Variants in EPC2 observed in about 807,000 individuals in gnomAD.
EPC2 encodes enhancer of polycomb homolog 2.
EPC2 carries 14 observed loss-of-function variants against 92.1 expected under a neutral mutation model. That is an observed-to-expected ratio of 0.15 (90% CI 0.10 to 0.24). The LOEUF (loss-of-function observed/expected upper bound fraction) is 0.24, where lower values mean the gene tolerates loss of function less well. Among genes scored for constraint, EPC2 ranks in the 10% least tolerant of loss-of-function variants. EPC2 has a pLI of 1.00. For synonymous variants in EPC2, 340 were observed against 334.7 expected (o/e 1.02, Z -0.17); for missense variants, 755 against 971.5 (o/e 0.78, Z 2.96).
intron 2 of EPC2, among the ~76,000 whole-genome samples, chr2:148,710,857 G>T (rs896248058): frequency 6.6e-6 from 1 of 152,054 alleles, no homozygotes. Context: ...GGGTTGGGGG[G>T]AGTGGGGAGG....
intron 1 of EPC2, among the ~76,000 whole-genome samples, chr2:148,662,111 A>G (rs1337138856): frequency 6.6e-6 from 1 of 152,252 alleles, no homozygotes; most frequent in Non-Finnish European, 1.5e-5. Flanking sequence ...TCAAAACTAC[A>G]GTGAGATACC....
chr2:148,701,980 T>C (rs959118363), intron 2 of EPC2, among the ~76,000 whole-genome samples: 1 of 152,156 alleles, frequency 6.6e-6, no homozygotes, highest in South Asian at 2.1e-4. Flanking sequence ...AAGTTGTCAA[T>C]TTATGGCCAT....
At chr2:148,745,137 G>A (rs887624459) in intron 3 of EPC2, among the ~76,000 whole-genome samples, 7 of 151,986 alleles carry the variant, frequency 4.6e-5, no homozygotes, top group African/African-American at 1.7e-4. Flanking sequence ...TTCTAAAAAA[G>A]TACCAACTTG....
At chr2:148,741,783 C>T (rs1682884168) in intron 2 of EPC2, among the ~76,000 whole-genome samples, 1 of 152,130 alleles carries the variant, frequency 6.6e-6, no homozygotes. Flanking sequence ...TATACATGTA[C>T]ATGCTTAAAA....
chr2:148,685,745 C>T (rs944542558), intron 1 of EPC2, among the ~76,000 whole-genome samples: 1 of 151,982 alleles, frequency 6.6e-6, no homozygotes, highest in African/African-American at 2.4e-5. Flanking sequence ...CTAGCCTGGG[C>T]GACAGAGTGA....
chr2:148,666,466 T>G (rs933097190), intron 1 of EPC2, among the ~76,000 whole-genome samples: 1 of 152,230 alleles, frequency 6.6e-6, no homozygotes, highest in African/African-American at 2.4e-5. Context: ...TAAAAAAAAT[T>G]TTTAATTTAT....
chr2:148,675,772 C>T (rs192223954), intron 1 of EPC2, among the ~76,000 whole-genome samples: 2 of 152,234 alleles, frequency 1.3e-5, no homozygotes, highest in Admixed American at 6.5e-5. Flanking sequence ...TGGTTTTATA[C>T]GTTTTTTAGT....
At chr2:148,697,898 A>G (rs1218608863) in intron 2 of EPC2, among the ~76,000 whole-genome samples, 1 of 152,228 alleles carries the variant, frequency 6.6e-6, no homozygotes, top group Non-Finnish European at 1.5e-5. Flanking sequence ...AGAGGCCCAA[A>G]TTGGGAAAGG....
In EPC2 at chr2:148,733,479, ATTTTTTTTTTTTTTTTTTTTTT is replaced by A. The variant is rs34219179; in HGVS notation, c.314-10128_314-10107del. ...CTTTCTCTTTTCTTTCTCTCTCTGG[ATTTTTTTTTTTTTTTTTTTTTT>A]TTTTTTTTTTTTTTGATACAGGGTC... On this transcript the variant is annotated intron_variant, in intron 2 of 13. Coordinates refer to ENST00000258484, the MANE Select transcript of EPC2 (RefSeq NM_015630.4). Among the ~76,000 whole-genome samples the A allele has an allele frequency of 3.4e-3, 90 of 26,686 alleles. 2 individuals are homozygous for A. Among genetic ancestry groups the A allele is most frequent in the African/African-American group, 9.7e-3 (75 of 7,714 alleles). 17.5% of individuals were successfully genotyped at this position (26,686 alleles called of 152,430 possible).
intron 2 of EPC2, among the ~76,000 whole-genome samples, chr2:148,737,293 T>C (rs771895571): frequency 1.3e-5 from 2 of 152,202 alleles, no homozygotes; most frequent in Non-Finnish European, 2.9e-5. Context: ...TTTCAACACG[T>C]TATTTCATTT....
chr2:148,752,850 C>T (rs576124681), intron 3 of EPC2, among the ~76,000 whole-genome samples: 1 of 152,180 alleles, frequency 6.6e-6, no homozygotes, highest in East Asian at 1.9e-4. Context: ...AGACTTCATA[C>T]AACATACAGG....
intron 10 of EPC2, among the ~76,000 whole-genome samples, chr2:148,781,325 T>C (rs926498510): frequency 1.4e-4 from 22 of 152,200 alleles, no homozygotes; most frequent in Admixed American, 1.2e-3. Context: ...TTACATGCTC[T>C]CCATAATATA....
At chr2:148,724,153 T>C (rs1316816248) in intron 2 of EPC2, among the ~76,000 whole-genome samples, 1 of 152,152 alleles carries the variant, frequency 6.6e-6, no homozygotes, top group Non-Finnish European at 1.5e-5. Flanking sequence ...AAATGCTTTC[T>C]TTATTTTTAT....
At chr2:148,751,599 C>T (rs1369955163) in intron 3 of EPC2, among the ~76,000 whole-genome samples, 1 of 152,018 alleles carries the variant, frequency 6.6e-6, no homozygotes, top group Non-Finnish European at 1.5e-5. Context: ...AGTGACTCTC[C>T]CGAGTAGCTA....
At chr2:148,714,917 T>G (rs1682225783) in intron 2 of EPC2, among the ~76,000 whole-genome samples, 1 of 152,180 alleles carries the variant, frequency 6.6e-6, no homozygotes. Flanking sequence ...TTTAATTAGA[T>G]TCCATTTGTC....
chr2:148,786,434 T>A lies in EPC2; in HGVS notation c.*57T>A. On this transcript the variant is annotated 3_prime_UTR_variant, in exon 14 of 14. Coordinates refer to ENST00000258484, the MANE Select transcript of EPC2 (RefSeq NM_015630.4). ...GGTGTGCAGTCATTCATATTCCAGC[T>A]GAATGCAAAAGGCAACACTCTGTGG... 4 of 1,419,182 alleles carry A rather than the reference T, an allele frequency of 2.8e-6. No homozygotes were observed. The South Asian group carries it at 4.9e-5, about 17-fold the overall frequency. 87.9% of individuals were successfully genotyped at this position (1,419,182 alleles called of 1,614,324 possible).
At chr2:148,690,782 C>T (rs1681629525) in intron 2 of EPC2, among the ~76,000 whole-genome samples, 1 of 152,088 alleles carries the variant, frequency 6.6e-6, no homozygotes, top group South Asian at 2.1e-4. Flanking sequence ...CCTGCTTCAG[C>T]CTACTGAGTA....
intron 2 of EPC2, among the ~76,000 whole-genome samples, chr2:148,715,937 A>G (rs762031635): frequency 1.3e-5 from 2 of 152,094 alleles, no homozygotes; most frequent in Non-Finnish European, 2.9e-5. Context: ...GAGGTCCCTC[A>G]CTTCCCTTAT....
chr2:148,764,461 A>G (rs1412040431), intron 6 of EPC2, among the ~76,000 whole-genome samples: 1 of 152,198 alleles, frequency 6.6e-6, no homozygotes, highest in Non-Finnish European at 1.5e-5. Context: ...GTAATTATAC[A>G]TTCTAAAAAG....
Sources: gnomAD v4.1 joint callset for allele counts (sites outside exome capture counted in the v4.1 genomes callset) on GRCh38, gnomAD v4.1.1 for gene constraint, MANE v1.5 for transcripts, NCBI Gene and HGNC (gene_info 2026-07-23, HGNC 2026-07-21) for gene names.